The following LUZP2 variants were observed in gnomAD, a reference collection of about 807,000 sequenced individuals.
LUZP2 encodes leucine zipper protein 2.
Under a neutral mutation model 51.6 loss-of-function variants are expected in LUZP2, and 52 were observed. The observed-to-expected ratio is 1.01, with a 90% CI of 0.81 to 1.27. The LOEUF (loss-of-function observed/expected upper bound fraction) is 1.27, where lower values mean the gene tolerates loss of function less well. Among genes scored for constraint, LUZP2 ranks in the 50% most tolerant of loss-of-function variants. LUZP2 has a pLI of 0.00. For missense variants in LUZP2, 436 were observed against 395.4 expected (o/e 1.10, Z -0.87); for synonymous variants, 154 against 137.3 (o/e 1.12, Z -0.85).
intron 1 of LUZP2, among the ~76,000 whole-genome samples, chr11:24,558,073 C>T (rs956634792): frequency 6.6e-6 from 1 of 152,092 alleles, no homozygotes; most frequent in Non-Finnish European, 1.5e-5. Context: ...AACAAAAAAG[C>T]AGAGGAAGGG....
At chr11:24,873,445 T>C (rs1326081348) in intron 5 of LUZP2, among the ~76,000 whole-genome samples, 1 of 152,196 alleles carries the variant, frequency 6.6e-6, no homozygotes, top group African/African-American at 2.4e-5. Context: ...GCATTGTCAT[T>C]ATATGAAAAG....
intron 1 of LUZP2, among the ~76,000 whole-genome samples, chr11:24,514,863 A>C (rs1484224295): frequency 6.6e-6 from 1 of 152,184 alleles, no homozygotes; most frequent in Non-Finnish European, 1.5e-5. Context: ...AGGAAAGCTA[A>C]ATTCACAAAA....
intron 1 of LUZP2, among the ~76,000 whole-genome samples, chr11:24,720,036 A>G (rs1565097522): frequency 6.6e-6 from 1 of 152,252 alleles, no homozygotes; most frequent in Admixed American, 6.5e-5. Flanking sequence ...ATAAATGATA[A>G]TAAAATAGAC....
At chr11:24,860,268 CAG>C (rs1851699473) in intron 5 of LUZP2, among the ~76,000 whole-genome samples, 2 of 152,158 alleles carry the variant, frequency 1.3e-5, no homozygotes, top group Non-Finnish European at 2.9e-5. Context: ...TAACCCCAGG[CAG>C]AGGCTCAGCG....
intron 1 of LUZP2, among the ~76,000 whole-genome samples, chr11:24,541,949 G>A (rs181065659): frequency 1.3e-5 from 2 of 151,754 alleles, no homozygotes; most frequent in Non-Finnish European, 2.9e-5. Flanking sequence ...ATAATAGGAA[G>A]TTCTGTTATT....
intron 5 of LUZP2, among the ~76,000 whole-genome samples, chr11:24,804,656 G>A (rs1167859752): frequency 6.6e-6 from 1 of 152,030 alleles, no homozygotes; most frequent in Non-Finnish European, 1.5e-5. Context: ...GGTATAGGAG[G>A]GCTACTTCTG....
intron 1 of LUZP2, among the ~76,000 whole-genome samples, chr11:24,498,690 G>A (rs1337322836): frequency 6.6e-6 from 1 of 152,108 alleles, no homozygotes; most frequent in Non-Finnish European, 1.5e-5. Context: ...TAATATTTGT[G>A]GTTAGCTCTC....
chr11:24,764,490 T>TAAAA (rs869045272), intron 5 of LUZP2, among the ~76,000 whole-genome samples: 10 of 94,058 alleles, frequency 1.1e-4, no homozygotes, highest in African/African-American at 1.1e-4. Flanking sequence ...ATCTCATCTC[T>TAAAA]AAAAAAAAAA....
At chr11:24,859,328 A>T (rs1346615978) in intron 5 of LUZP2, among the ~76,000 whole-genome samples, 1 of 152,168 alleles carries the variant, frequency 6.6e-6, no homozygotes, top group African/African-American at 2.4e-5. Context: ...TATGAAGCCC[A>T]AATTTGTCAT....
chr11:24,529,382 A>T (rs1357133639), intron 1 of LUZP2, among the ~76,000 whole-genome samples: 1 of 151,072 alleles, frequency 6.6e-6, no homozygotes, highest in Non-Finnish European at 1.5e-5. Flanking sequence ...TAGCTTTCCA[A>T]GGGGAAAACA....
At chr11:24,972,948 T>C (rs149834737) in intron 7 of LUZP2, among the ~76,000 whole-genome samples, 86 of 152,146 alleles carry the variant, frequency 5.7e-4, no homozygotes, top group Admixed American at 3.3e-3. Context: ...ATAAAATGCA[T>C]TGGGGAGGAG....
At chr11:24,762,570 C>T (rs1590471919) in intron 4 of LUZP2, among the ~76,000 whole-genome samples, 1 of 152,186 alleles carries the variant, frequency 6.6e-6, no homozygotes, top group Middle Eastern at 3.4e-3. Context: ...TTATAGGGAA[C>T]CCTCAGTGAC....
intron 5 of LUZP2, among the ~76,000 whole-genome samples, chr11:24,844,816 C>A (rs572121671): frequency 3.9e-5 from 6 of 152,204 alleles, no homozygotes; most frequent in African/African-American, 1.4e-4. Flanking sequence ...GTCTTGGCAG[C>A]TTCCATGTGG....
At chr11:24,537,988 A>G (rs1564977172) in intron 1 of LUZP2, among the ~76,000 whole-genome samples, 2 of 148,240 alleles carry the variant, frequency 1.3e-5, no homozygotes, top group African/African-American at 5.0e-5. Context: ...AATTACTTAT[A>G]ATCAATGAGG....
At chr11:25,048,746 G>A (rs1012697947) in intron 9 of LUZP2, among the ~76,000 whole-genome samples, 1 of 151,980 alleles carries the variant, frequency 6.6e-6, no homozygotes, top group African/African-American at 2.4e-5. Context: ...AACAATAAAT[G>A]CCTTCTGGAT....
chr11:24,831,772 T>A (rs1256314669), intron 5 of LUZP2: 1 of 152,582 alleles, frequency 6.6e-6, no homozygotes, highest in African/African-American at 2.4e-5. Flanking sequence ...AGAAAATCTT[T>A]AAAAACTTTG....
intron 1 of LUZP2, among the ~76,000 whole-genome samples, chr11:24,621,308 A>T (rs1236600302): frequency 6.6e-6 from 1 of 152,258 alleles, no homozygotes; most frequent in Non-Finnish European, 1.5e-5. Context: ...CTAAGGTCAC[A>T]TACCAATACT....
chr11:24,701,905 C>G (rs938714200), intron 1 of LUZP2, among the ~76,000 whole-genome samples: 1 of 152,148 alleles, frequency 6.6e-6, no homozygotes, highest in Admixed American at 6.5e-5. Flanking sequence ...CATGGAGTCA[C>G]AGTTCTGCAT....
intron 5 of LUZP2, among the ~76,000 whole-genome samples, chr11:24,851,810 A>G (rs1432781716): frequency 6.6e-6 from 1 of 152,130 alleles, no homozygotes; most frequent in Non-Finnish European, 1.5e-5. Context: ...TTATTGGTCT[A>G]TTCAGGGATT....
Sources: allele counts gnomAD v4.1 joint callset (sites outside exome capture counted in the v4.1 genomes callset), GRCh38; gene constraint gnomAD v4.1.1; transcripts MANE v1.5; gene names NCBI Gene and HGNC (gene_info 2026-07-23, HGNC 2026-07-21).